The following ARID2 variants were observed in gnomAD, a reference collection of about 807,000 sequenced individuals.
The protein encoded by ARID2 is AT-rich interactive domain-containing protein 2.
ARID2 carries 32 observed loss-of-function variants against 184.6 expected under a neutral mutation model. That is an observed-to-expected ratio of 0.17 (90% confidence interval 0.13 to 0.23). ARID2 has a LOEUF of 0.23. Ranked by LOEUF, ARID2 falls within the 10% of genes least tolerant of loss-of-function variation. The pLI, the probability that ARID2 is intolerant of heterozygous loss-of-function variation, is 1.00. For missense variants in ARID2, 1,696 were observed against 2,197.6 expected (o/e 0.77, Z 4.56); for synonymous variants, 836 against 772.6 (o/e 1.08, Z -1.36).
intron 3 of ARID2, among the ~76,000 whole-genome samples, chr12:45,807,760 A>G (rs545446536): frequency 4.6e-5 from 7 of 152,284 alleles, no homozygotes; most frequent in African/African-American, 1.4e-4. Flanking sequence ...TAAAATTTCC[A>G]TTAAGATTCT....
intron 3 of ARID2, among the ~76,000 whole-genome samples, chr12:45,778,268 G>C (rs1336503565): frequency 6.6e-6 from 1 of 152,084 alleles, no homozygotes; most frequent in Non-Finnish European, 1.5e-5. Context: ...GCAAGAAAAT[G>C]CCTTATTATA....
chr12:45,835,832 G>A (rs1299154182), intron 6 of ARID2, among the ~76,000 whole-genome samples: 1 of 151,982 alleles, frequency 6.6e-6, no homozygotes, highest in Non-Finnish European at 1.5e-5. Flanking sequence ...CCCGGGAGGT[G>A]GAGGTTGCAG....
intron 16 of ARID2, among the ~76,000 whole-genome samples, chr12:45,884,224 C>T (rs1944147552): frequency 1.3e-5 from 2 of 152,136 alleles, no homozygotes; most frequent in East Asian, 3.9e-4. Context: ...AGTGAAACCC[C>T]ATCTCTACTA....
chr12:45,799,812 A>G (rs775933988), intron 3 of ARID2, among the ~76,000 whole-genome samples: 68 of 152,204 alleles, frequency 4.5e-4, no homozygotes, highest in Admixed American at 1.9e-3. Context: ...AAATTACCCC[A>G]TCATGACTTT....
At chr12:45,776,655 C>CTT (rs1941985714) in intron 3 of ARID2, among the ~76,000 whole-genome samples, 1 of 151,906 alleles carries the variant, frequency 6.6e-6, no homozygotes. Context: ...TCTATAGAAA[C>CTT]TTTAAAAATC....
At chr12:45,820,585 C>T (rs1565608555) in intron 5 of ARID2, among the ~76,000 whole-genome samples, 1 of 152,030 alleles carries the variant, frequency 6.6e-6, no homozygotes, top group East Asian at 1.9e-4. Context: ...CTTTTGGTTT[C>T]TAAAAGCAGT....
intron 3 of ARID2, among the ~76,000 whole-genome samples, chr12:45,799,387 G>C (rs553936732): frequency 3.9e-5 from 6 of 152,126 alleles, no homozygotes; most frequent in African/African-American, 1.4e-4. Flanking sequence ...TGGAACAAAT[G>C]CATCATTATG....
intron 16 of ARID2, among the ~76,000 whole-genome samples, chr12:45,870,064 C>CA (rs1380949295): frequency 2.6e-5 from 4 of 152,010 alleles, no homozygotes; most frequent in Non-Finnish European, 4.4e-5. Context: ...CGGCTCACTG[C>CA]AAGCTCCGCC....
At position 45,761,724 on chromosome 12, in the gene ARID2, T is replaced by C. The variant is rs150332257; in HGVS notation, c.284+30410T>C. ...GACTTTTTTTTTTCCTTATCTTTTC[T>C]CCTTAGCACTTTAAGCCATTTCAAT... On this transcript the variant is annotated intron_variant, in intron 3 of 20. Coordinates refer to ENST00000334344, the MANE Select transcript of ARID2 (RefSeq NM_152641.4). Among the ~76,000 whole-genome samples, 1,176 of 152,214 alleles carry C rather than the reference T, an allele frequency of 7.7e-3. 19 individuals are homozygous for C. Among genetic ancestry groups the C allele is most frequent in the South Asian group, 0.067 (324 of 4,828 alleles).
chr12:45,842,480 C>T (rs1261644625), intron 11 of ARID2, among the ~76,000 whole-genome samples: 1 of 151,574 alleles, frequency 6.6e-6, no homozygotes, highest in African/African-American at 2.4e-5. Flanking sequence ...TAAACAAGGC[C>T]GGGCACAGTG....
At chr12:45,793,545 G>C (rs1328896256) in intron 3 of ARID2, among the ~76,000 whole-genome samples, 1 of 146,116 alleles carries the variant, frequency 6.8e-6, no homozygotes, top group Admixed American at 7.0e-5. Flanking sequence ...TTATGTAACT[G>C]TGTGTGTGTG....
intron 4 of ARID2, among the ~76,000 whole-genome samples, chr12:45,814,060 A>G (rs966984346): frequency 1.3e-5 from 2 of 152,114 alleles, no homozygotes; most frequent in Non-Finnish European, 2.9e-5. Context: ...TACCCGGTCC[A>G]TTTGCATTTT....
chr12:45,884,886 A>T lies in ARID2; in HGVS notation c.4923-6894A>T, dbSNP rs17096298. On this transcript the variant is annotated intron_variant, in intron 16 of 20. Transcript: ENST00000334344. ...ACTAGTCAATCAGTTGTTCCCACCT[A>T]TGACTTTTAATCTGGATTGACGGTA... is the stretch of plus-strand genomic sequence containing the variant. 6.6e-3 allele frequency among the ~76,000 whole-genome samples: 1,001 copies of T among 152,254 alleles called. 70 individuals are homozygous for T. The East Asian group carries it at 0.16, about 24-fold the overall frequency.
Position 45,850,367 on chromosome 12 carries a change from T to C in ARID2, c.2244T>C (p.Ser748=), listed in dbSNP as rs559369379. 1 of 1,614,136 alleles carries C rather than the reference T, an allele frequency of 6.2e-7. No homozygotes were observed. The highest frequency in any genetic ancestry group is 8.5e-7 in the Non-Finnish European group (1 of 1,180,014). ...AGAGTTCTGTTGTTCAGAATCATAG[T>C]ACAGGGCCACAACCTGTTACAGTTG... ...PPQSSVVQNH[S]TGPQPVTVVN... is the part of the protein sequence containing the mutation. The change falls in exon 15 of 21, where the codon AGT becomes AGC. Residue 748 remains serine, a synonymous_variant. Coordinates refer to ENST00000334344, the MANE Select transcript of ARID2 (RefSeq NM_152641.4).
chr12:45,753,510 G>C (rs1441491817), intron 3 of ARID2, among the ~76,000 whole-genome samples: 1 of 152,140 alleles, frequency 6.6e-6, no homozygotes, highest in Non-Finnish European at 1.5e-5. Context: ...AAATACATTA[G>C]TATATGTAGT....
At chr12:45,858,048 C>T (rs1007194964) in intron 15 of ARID2, among the ~76,000 whole-genome samples, 3 of 152,232 alleles carry the variant, frequency 2.0e-5, no homozygotes, top group African/African-American at 7.2e-5. Context: ...GCATGAGCCA[C>T]CGTGCCTGGC....
At chr12:45,842,235 A>C (rs1943356939) in intron 11 of ARID2, 1 of 116,826 alleles carries the variant, frequency 8.6e-6, no homozygotes, top group Admixed American at 7.8e-5. Flanking sequence ...GGTCTATCTC[A>C]AAAAAAAAAA....
intron 20 of ARID2, among the ~76,000 whole-genome samples, chr12:45,897,062 G>A (rs1394514636): frequency 6.6e-6 from 1 of 152,164 alleles, no homozygotes; most frequent in African/African-American, 2.4e-5. Context: ...AAACAGCGTG[G>A]TACTGGCATA....
rs768956662 is a variant in ARID2 at position 45,850,279 on chromosome 12, T to C, written c.2156T>C (p.Ile719Thr). Residue 719 changes from isoleucine (I) to threonine (T), a missense_variant, in exon 15 of 21, where the codon ATC becomes ACC. Physicochemically the swap from Ile to Thr is moderately conservative, Grantham distance 89. Transcript: ENST00000334344. ...IPCEVVKATV[I>T]QNSIPQTGVP... is the part of the protein sequence containing the mutation. ...TGTGAAGTTGTTAAGGCTACAGTTA[T>C]CCAGAATTCCATACCCCAGACAGGA... The C allele has an allele frequency of 1.9e-6, 3 of 1,614,122 alleles. No individual in the cohort carries two copies. The highest frequency in any genetic ancestry group is 2.2e-5 in the East Asian group (1 of 44,874).
Sources: gnomAD v4.1 joint callset for allele counts (sites outside exome capture counted in the v4.1 genomes callset) on GRCh38, gnomAD v4.1.1 for gene constraint, MANE v1.5 for transcripts, NCBI Gene and HGNC (gene_info 2026-07-23, HGNC 2026-07-21) for gene names.